The following HDAC9 variants were observed in gnomAD, a reference collection of about 807,000 sequenced individuals.
The protein encoded by HDAC9 is histone deacetylase 9, also known as MEF-2 interacting transcription repressor (MITR) protein.
A neutral mutation model predicts 139.4 loss-of-function variants in HDAC9; 41 were observed. The ratio of observed to expected loss-of-function variants is 0.29; its 90% confidence interval spans 0.23 to 0.38. HDAC9 has a LOEUF of 0.38. Ranked by LOEUF, HDAC9 falls within the 10% of genes least tolerant of loss-of-function variation. The probability of loss-of-function intolerance (pLI) is 1.00; values close to 1 mark genes in which losing one functional copy is unlikely to be tolerated. For missense variants in HDAC9, 1,147 were observed against 1,297.0 expected (o/e 0.88, Z 1.78); for synonymous variants, 517 against 476.2 (o/e 1.09, Z -1.12).
At chr7:18,114,175 T>C (rs139530959) in intron 1 of HDAC9, among the ~76,000 whole-genome samples, 7 of 152,360 alleles carry the variant, frequency 4.6e-5, no homozygotes, top group African/African-American at 1.7e-4. Flanking sequence ...GTGGTCTAAA[T>C]ATCATGTTCA....
intron 1 of HDAC9, among the ~76,000 whole-genome samples, chr7:18,120,673 AAT>A (rs2128092861): frequency 1.3e-5 from 2 of 152,322 alleles, no homozygotes; most frequent in South Asian, 4.1e-4. Flanking sequence ...GCTTAAATGT[AAT>A]ATTTTTGGCA....
chr7:18,466,145 C>T (rs1033859936), intron 1 of HDAC9, among the ~76,000 whole-genome samples: 1 of 152,278 alleles, frequency 6.6e-6, no homozygotes, highest in East Asian at 1.9e-4. Flanking sequence ...GATGACCACT[C>T]GCAGCTTCTT....
intron 2 of HDAC9, among the ~76,000 whole-genome samples, chr7:18,550,375 A>G (rs553466009): frequency 2.6e-5 from 4 of 152,202 alleles, no homozygotes; most frequent in Non-Finnish European, 5.9e-5. Context: ...CATTCTATGC[A>G]ATAAATATTT....
At chr7:18,389,758 A>C (rs1190677582) in intron 1 of HDAC9, among the ~76,000 whole-genome samples, 2 of 152,208 alleles carry the variant, frequency 1.3e-5, no homozygotes, top group Admixed American at 1.3e-4. Flanking sequence ...AGGGACCAAA[A>C]TATGGAAAAG....
intron 6 of HDAC9, among the ~76,000 whole-genome samples, chr7:18,624,538 G>C (rs1841117059): frequency 1.3e-5 from 2 of 152,070 alleles, no homozygotes; most frequent in Non-Finnish European, 2.9e-5. Context: ...AAAATGGAAA[G>C]GTAATTAGTG....
At chr7:18,432,492 A>G (rs997417372) in intron 1 of HDAC9, among the ~76,000 whole-genome samples, 1 of 152,214 alleles carries the variant, frequency 6.6e-6, no homozygotes, top group African/African-American at 2.4e-5. Context: ...TTCTCATCAC[A>G]TTCCTCATGA....
At chr7:18,535,428 G>A (rs567505013) in intron 2 of HDAC9, among the ~76,000 whole-genome samples, 18 of 151,678 alleles carry the variant, frequency 1.2e-4, no homozygotes, top group African/African-American at 2.7e-4. Flanking sequence ...AGACTACTGC[G>A]GAAGCCCATT....
intron 14 of HDAC9, among the ~76,000 whole-genome samples, chr7:18,757,491 A>G (rs572154421): frequency 1.8e-3 from 280 of 152,226 alleles, no homozygotes; most frequent in African/African-American, 6.5e-3. Context: ...AACCAATGCA[A>G]CCCATCTGTT....
intron 15 of HDAC9, among the ~76,000 whole-genome samples, chr7:18,764,627 GTTGTTTGT>G (rs913876901): frequency 6.6e-6 from 1 of 151,872 alleles, no homozygotes; most frequent in Non-Finnish European, 1.5e-5. Flanking sequence ...TATTGTTGTT[GTTGTTTGT>G]TTGTTTGTTT....
chr7:18,216,219 C>A (rs555459437), intron 2 of HDAC9, among the ~76,000 whole-genome samples: 1 of 152,016 alleles, frequency 6.6e-6, no homozygotes, highest in South Asian at 2.1e-4. Context: ...TTAGTTGGAG[C>A]TTTTCCCAGA....
chr7:18,887,146 T>C (rs1463602454), intron 22 of HDAC9, among the ~76,000 whole-genome samples: 2 of 152,212 alleles, frequency 1.3e-5, no homozygotes, highest in African/African-American at 2.4e-5. Flanking sequence ...CTCCTCACAC[T>C]ACTGTCATGG....
At chr7:18,755,336 C>T (rs1272836535) in intron 14 of HDAC9, among the ~76,000 whole-genome samples, 1 of 152,048 alleles carries the variant, frequency 6.6e-6, no homozygotes, top group Non-Finnish European at 1.5e-5. Flanking sequence ...GGAAAACAAC[C>T]AACAAAAGGA....
chr7:18,996,758 A>AAAC lies in HDAC9; in HGVS notation c.*698_*700dup, dbSNP rs1452581511. On this transcript the variant is annotated 3_prime_UTR_variant, in exon 26 of 26. Transcript: ENST00000686413. Reference sequence around the variant, plus strand: ...GCAATATTTTATATCACTTTTTTTTAAACATCCCCAACATCTTTGTGTTCT... The same window carrying AAAC: ...GCAATATTTTATATCACTTTTTTTTAAACAACATCCCCAACATCTTTGTGTTCT... The AAAC allele has an allele frequency of 6.6e-6, 1 of 152,058 alleles. No individual in the cohort carries two copies. Among genetic ancestry groups the AAAC allele is most frequent in the African/African-American group, 2.4e-5 (1 of 41,392 alleles). 9.4% of individuals were successfully genotyped at this position (152,058 alleles called of 1,614,324 possible).
intron 1 of HDAC9, among the ~76,000 whole-genome samples, chr7:18,476,174 T>C (rs1795097766): frequency 6.6e-6 from 1 of 152,164 alleles, no homozygotes. Flanking sequence ...GTGTAATGTT[T>C]ATGCTATGTT....
At chr7:18,193,589 T>C (rs934981969) in intron 2 of HDAC9, among the ~76,000 whole-genome samples, 3 of 152,208 alleles carry the variant, frequency 2.0e-5, no homozygotes, top group East Asian at 1.9e-4. Flanking sequence ...GTTCCTAATA[T>C]CTTGAACTCC....
chr7:18,718,020 T>C (rs978321663), intron 12 of HDAC9, among the ~76,000 whole-genome samples: 1 of 152,160 alleles, frequency 6.6e-6, no homozygotes, highest in African/African-American at 2.4e-5. Flanking sequence ...TACAATTCAG[T>C]GGTTTTTCGT....
intron 2 of HDAC9, among the ~76,000 whole-genome samples, chr7:18,569,751 G>A (rs1245865391): frequency 2.6e-5 from 4 of 151,998 alleles, no homozygotes; most frequent in Non-Finnish European, 5.9e-5. Flanking sequence ...GTAAAAAGTG[G>A]ATTTTCTGAC....
At chr7:18,814,291 T>C (rs1444087591) in intron 17 of HDAC9, among the ~76,000 whole-genome samples, 1 of 152,228 alleles carries the variant, frequency 6.6e-6, no homozygotes, top group Admixed American at 6.5e-5. Context: ...GGTTTTCTAC[T>C]GCTATATTTT....
At chr7:18,895,684 A>C (rs1232069076) in intron 22 of HDAC9, among the ~76,000 whole-genome samples, 1 of 152,122 alleles carries the variant, frequency 6.6e-6, no homozygotes, top group Non-Finnish European at 1.5e-5. Flanking sequence ...GCTGAGATTT[A>C]AAAATAAAAA....
Sources: allele counts gnomAD v4.1 joint callset (sites outside exome capture counted in the v4.1 genomes callset), GRCh38; gene constraint gnomAD v4.1.1; transcripts MANE v1.5; gene names NCBI Gene and HGNC (gene_info 2026-07-23, HGNC 2026-07-21).